The following CHSY3 variants were observed in gnomAD, a reference collection of about 807,000 sequenced individuals.
CHSY3 encodes the protein N-acetylgalactosaminyl-proteoglycan 3-beta-glucuronosyltransferase 3.
CHSY3 carries 35 observed loss-of-function variants against 67.2 expected under a neutral mutation model. The ratio of observed to expected loss-of-function variants is 0.52; its 90% CI spans 0.40 to 0.69. CHSY3 has a LOEUF of 0.69. Among genes scored for constraint, CHSY3 ranks in the 30% least tolerant of loss-of-function variants. The probability of loss-of-function intolerance (pLI) is 0.00; values close to 1 mark genes in which losing one functional copy is unlikely to be tolerated. For missense variants in CHSY3, 1,069 were observed against 1,138.5 expected (o/e 0.94, Z 0.88); for synonymous variants, 474 against 434.7 (o/e 1.09, Z -1.12).
intron 2 of CHSY3, among the ~76,000 whole-genome samples, chr5:129,963,114 G>A (rs1056967505): frequency 6.6e-6 from 1 of 151,714 alleles, no homozygotes; most frequent in Non-Finnish European, 1.5e-5. Context: ...GGTGGAATGG[G>A]GAGAGAGGGC....
intron 2 of CHSY3, among the ~76,000 whole-genome samples, chr5:130,152,844 G>A (rs1286585645): frequency 9.9e-5 from 15 of 152,140 alleles, no homozygotes; most frequent in Admixed American, 9.8e-4. Flanking sequence ...CCATTTGCTA[G>A]CCTAAGCAGC....
At chr5:130,175,200 TATACA>T (rs1266990508) in intron 2 of CHSY3, among the ~76,000 whole-genome samples, 1 of 151,596 alleles carries the variant, frequency 6.6e-6, no homozygotes, top group African/African-American at 2.4e-5. Context: ...CAAGCATTTC[TATACA>T]CCAATAATAG....
chr5:130,080,878 G>C (rs1479067297), intron 2 of CHSY3, among the ~76,000 whole-genome samples: 3 of 152,084 alleles, frequency 2.0e-5, no homozygotes, highest in Admixed American at 2.0e-4. Context: ...ATTAATAGGA[G>C]AAAAGGCATG....
chr5:130,084,096 A>T (rs1379631166), intron 2 of CHSY3, among the ~76,000 whole-genome samples: 1 of 151,988 alleles, frequency 6.6e-6, no homozygotes, highest in Admixed American at 6.6e-5. Flanking sequence ...CGTCTGAGGG[A>T]TATTTCATTG....
chr5:130,071,731 G>C (rs1766077467), intron 2 of CHSY3, among the ~76,000 whole-genome samples: 1 of 152,010 alleles, frequency 6.6e-6, no homozygotes, highest in Admixed American at 6.6e-5. Context: ...TATATACTCA[G>C]AAGTGGGACT....
intron 2 of CHSY3, among the ~76,000 whole-genome samples, chr5:129,930,309 A>G: frequency 6.7e-6 from 1 of 149,754 alleles, no homozygotes. Flanking sequence ...CTACAGCCTG[A>G]GCAGCAGAAC....
At chr5:130,143,514 G>A (rs181460488) in intron 2 of CHSY3, among the ~76,000 whole-genome samples, 38 of 151,664 alleles carry the variant, frequency 2.5e-4, no homozygotes, top group African/African-American at 8.9e-4. Context: ...GTTGCATGGA[G>A]CGATGGTTTG....
chr5:130,137,659 T>C (rs73247011), intron 2 of CHSY3, among the ~76,000 whole-genome samples: 1,587 of 152,248 alleles, frequency 0.01, 23 homozygotes, highest in African/African-American at 0.034. Context: ...TTTATTAGAG[T>C]CAACAGTAAA....
chr5:130,149,126 T>A (rs1031045598), intron 2 of CHSY3, among the ~76,000 whole-genome samples: 1 of 152,242 alleles, frequency 6.6e-6, no homozygotes, highest in African/African-American at 2.4e-5. Context: ...TAGCCAGTTA[T>A]CCCAGCACCA....
At chr5:130,050,768 G>A (rs1765318288) in intron 2 of CHSY3, among the ~76,000 whole-genome samples, 1 of 151,966 alleles carries the variant, frequency 6.6e-6, no homozygotes, top group Non-Finnish European at 1.5e-5. Flanking sequence ...ACTCATCTAC[G>A]CATACATATG....
intron 2 of CHSY3, among the ~76,000 whole-genome samples, chr5:130,051,038 TA>T (rs2149671335): frequency 6.6e-6 from 1 of 152,278 alleles, no homozygotes; most frequent in East Asian, 1.9e-4. Context: ...TTAAAAGCTA[TA>T]AAGTATTATT....
At chr5:130,023,071 T>G (rs950783142) in intron 2 of CHSY3, among the ~76,000 whole-genome samples, 7 of 151,978 alleles carry the variant, frequency 4.6e-5, no homozygotes, top group African/African-American at 1.7e-4. Context: ...CTCTCAAAAT[T>G]ATTGAAACAT....
rs567976311 is a variant in CHSY3, at chr5:130,057,532, A to G, written c.1087-126697A>G. 7.3e-4 allele frequency among the ~76,000 whole-genome samples: 111 copies of G among 152,308 alleles called. 2 individuals are homozygous for G. The South Asian group carries it at 0.022, about 30-fold the overall frequency. On this transcript the variant is annotated intron_variant, in intron 2 of 2. Transcript: ENST00000305031. ...AAAATCTTATCAATGATCCCATAAT[A>G]CTAATATTTGTCATTAATAACCTAG...
intron 2 of CHSY3, among the ~76,000 whole-genome samples, chr5:129,929,105 A>G (rs1004291527): frequency 7.2e-5 from 11 of 152,188 alleles, no homozygotes; most frequent in Non-Finnish European, 1.6e-4. Context: ...GTTCAAGTAT[A>G]TATAATATAA....
At chr5:130,057,010 T>A (rs1019896667) in intron 2 of CHSY3, among the ~76,000 whole-genome samples, 3 of 132,768 alleles carry the variant, frequency 2.3e-5, no homozygotes, top group Non-Finnish European at 4.7e-5. Context: ...TGCAAGCTCC[T>A]CCTCCCGGGT....
intron 2 of CHSY3, among the ~76,000 whole-genome samples, chr5:130,169,516 G>A (rs1769840974): frequency 6.6e-6 from 1 of 151,952 alleles, no homozygotes; most frequent in Non-Finnish European, 1.5e-5. Flanking sequence ...ACTCACAGAA[G>A]TATATGTTAT....
At chr5:129,935,779 C>A (rs542741216) in intron 2 of CHSY3, among the ~76,000 whole-genome samples, 4 of 152,308 alleles carry the variant, frequency 2.6e-5, no homozygotes, top group Non-Finnish European at 5.9e-5. Flanking sequence ...GAAGCTGCCA[C>A]ATGTCAAGTG....
intron 2 of CHSY3, among the ~76,000 whole-genome samples, chr5:130,019,776 G>T (rs1387362197): frequency 1.4e-4 from 21 of 152,118 alleles, no homozygotes; most frequent in Admixed American, 1.4e-3. Context: ...AACGACTAAA[G>T]GTTTTTGCAT....
chr5:130,181,553 A>G (rs1770244576), intron 2 of CHSY3, among the ~76,000 whole-genome samples: 1 of 152,190 alleles, frequency 6.6e-6, no homozygotes, highest in African/African-American at 2.4e-5. Flanking sequence ...ATATATGCAT[A>G]CTTTCAAAAT....
Sources: gnomAD v4.1 joint callset for allele counts (sites outside exome capture counted in the v4.1 genomes callset) on GRCh38, gnomAD v4.1.1 for gene constraint, MANE v1.5 for transcripts, NCBI Gene and HGNC (gene_info 2026-07-23, HGNC 2026-07-21) for gene names.